Variants in AHSA1 observed in about 807,000 individuals in gnomAD.
AHSA1 encodes activator of 90 kDa heat shock protein ATPase homolog 1.
AHSA1 carries 14 observed loss-of-function variants against 46.1 expected under a neutral mutation model. The observed-to-expected ratio is 0.30, with a 90% confidence interval of 0.20 to 0.47. The LOEUF is 0.47. Ranked by LOEUF, AHSA1 falls within the 20% of genes least tolerant of loss-of-function variation. The pLI, the probability that AHSA1 is intolerant of heterozygous loss-of-function variation, is 0.99. For missense variants in AHSA1, 333 were observed against 415.9 expected (o/e 0.80, Z 1.73); for synonymous variants, 147 against 145.8 (o/e 1.01, Z -0.06).
Position 77,462,198 on chromosome 14 carries a change from G to A in AHSA1, c.310G>A (p.Glu104Lys). 1 of 1,613,796 alleles carries A rather than the reference G, an allele frequency of 6.2e-7. No homozygotes were observed. ...KSGVQYKGHVEIPNLSDENSV... is the reference protein window; with the variant it reads ...KSGVQYKGHVKIPNLSDENSV... Reference sequence around the variant, plus strand: ...AGGAGTACAATACAAAGGACATGTGGAGATCCCCAATTTGTCTGATGAAAA... The same window carrying A: ...AGGAGTACAATACAAAGGACATGTGAAGATCCCCAATTTGTCTGATGAAAA... The change falls in exon 3 of 9, where the codon GAG (glutamate) becomes AAG (lysine). Residue 104 changes from glutamate (E) to lysine (K), a missense_variant. Coordinates refer to ENST00000216479, the MANE Select transcript of AHSA1 (RefSeq NM_012111.3).
intron 4 of AHSA1, chr14:77,462,995 G>T (rs1244968961): frequency 7.2e-6 from 3 of 418,442 alleles, no homozygotes; most frequent in Non-Finnish European, 1.3e-5. Context: ...AATGTACTGT[G>T]ATGGCCTGGC....
At chr14:77,468,051 CT>C (rs34989956) in intron 6 of AHSA1, 31 bp from the exon 7 acceptor site, 29,173 of 679,386 alleles carry the variant, frequency 0.043, 65 homozygotes, top group African/African-American at 0.08. Context: ...TCTTCTGCCT[CT>C]TTTTTTTTTT....
rs372750682 is a variant in AHSA1 at position 77,460,995 on chromosome 14, T to TA, written c.272-1160dup. On this transcript the variant is annotated intron_variant, in intron 2 of 8. Transcript: ENST00000216479. ...TGACACAGTGAAACCCCGTCTCTAC[T>TA]AAAAATACAAAAAATTAGCCCGGCG... Among the ~76,000 whole-genome samples the TA allele has an allele frequency of 6.2e-3, 744 of 120,632 alleles. 9 individuals are homozygous for TA. The highest frequency in any genetic ancestry group is 0.02 in the African/African-American group (710 of 35,460). The allele number at this position is 120,632 out of a possible 152,430, so 79.1% of individuals were successfully genotyped here.
chr14:77,458,104 G>T lies in AHSA1; in HGVS notation c.-86G>T. The T allele has an allele frequency of 7.9e-7, 1 of 1,260,672 alleles. No individual in the cohort carries two copies. The highest frequency in any genetic ancestry group is 1.1e-6 in the Non-Finnish European group (1 of 947,890). The allele number at this position is 1,260,672 out of a possible 1,614,324, so 78.1% of individuals were successfully genotyped here. A position where few individuals can be genotyped will look rare whatever the true frequency, so the allele number is the denominator to read the frequency against. On this transcript the variant is annotated 5_prime_UTR_variant, in exon 1 of 9. The change creates a new upstream start codon in the 5' untranslated region. Coordinates refer to ENST00000216479, the MANE Select transcript of AHSA1 (RefSeq NM_012111.3). ...TTGCGGCCGCTTCTAGTAGTTTCCA[G>T]GCGCTGCCGGGCGGCTGGCACTAAG...
intron 1 of AHSA1, among the ~76,000 whole-genome samples, chr14:77,458,829 C>T (rs2079003384): frequency 1.3e-5 from 2 of 152,180 alleles, no homozygotes; most frequent in African/African-American, 4.8e-5. Context: ...GCCGAGCAGC[C>T]GTGGTTTTAT....
At chr14:77,462,341 C>A in intron 3 of AHSA1, 99 bp downstream of exon 3, 1 of 1,238,442 alleles carries the variant, frequency 8.1e-7, no homozygotes, top group South Asian at 1.3e-5. Context: ...CAGGCTTGGT[C>A]CAAGCATTCA....
At position 77,459,691 on chromosome 14, in the gene AHSA1, A is replaced by G; in HGVS notation, c.156A>G (p.Glu52=). The change falls in exon 2 of 9, where the codon GAA becomes GAG. Residue 52 remains glutamate (E), a synonymous_variant. Transcript: ENST00000216479. Reference sequence around the variant, plus strand: ...TCCTGGCAGTGCAGGTTCAAAATGAAGAAGGCAAGTGTGAGGTGACGGAAG... The same window carrying G: ...TCCTGGCAGTGCAGGTTCAAAATGAGGAAGGCAAGTGTGAGGTGACGGAAG... ...TLFLAVQVQN[E]EGKCEVTEVS... is the part of the protein sequence containing the mutation. The G allele has an allele frequency of 6.2e-7, 1 of 1,614,218 alleles. No homozygotes were observed. Among genetic ancestry groups the G allele is most frequent in the Non-Finnish European group, 8.5e-7 (1 of 1,180,034 alleles).
rs1170141974 is a variant in AHSA1, at chr14:77,464,643, T to C, written c.518T>C (p.Val173Ala). Residue 173 changes from valine to alanine, a missense_variant, in exon 5 of 9, where the codon GTA becomes GCA. Coordinates refer to ENST00000216479, the MANE Select transcript of AHSA1 (RefSeq NM_012111.3). ...MILPTMNGES[V>A]DPVGQPALKT... Reference sequence around the variant, plus strand: ...TTACCTACAATGAATGGAGAGTCAGTAGACCCAGTGGGGCAGCCAGCACTG... The same window carrying C: ...TTACCTACAATGAATGGAGAGTCAGCAGACCCAGTGGGGCAGCCAGCACTG... The C allele has an allele frequency of 6.2e-7, 1 of 1,614,092 alleles. No individual in the cohort carries two copies. Among genetic ancestry groups the C allele is most frequent in the Admixed American group, 1.7e-5 (1 of 60,002 alleles).
At chr14:77,465,492 G>C in intron 5 of AHSA1, 47 bp from the exon 6 acceptor site, 1 of 1,597,836 alleles carries the variant, frequency 6.3e-7, no homozygotes, top group Non-Finnish European at 8.5e-7. Flanking sequence ...GTTGATTGAG[G>C]TTGTATCATT....
At chr14:77,458,333 C>T in intron 1 of AHSA1, 64 bp downstream of exon 1, 2 of 1,505,550 alleles carry the variant, frequency 1.3e-6, no homozygotes, top group South Asian at 1.2e-5. Context: ...TTCAGGGTTC[C>T]TAGAACCTCG....
chr14:77,462,524 G>T, intron 3 of AHSA1, 118 bp from the exon 4 acceptor site: 3 of 946,338 alleles, frequency 3.2e-6, no homozygotes, highest in Non-Finnish European at 5.2e-6. Context: ...TACGAATACC[G>T]CAGTACTCAT....
chr14:77,462,585 TC>T, intron 3 of AHSA1, 56 bp from the exon 4 acceptor site: 1 of 1,511,396 alleles, frequency 6.6e-7, no homozygotes. Context: ...GCCCCCACAT[TC>T]CATAATGAGG....
At chr14:77,465,482 G>T (rs142178502) in intron 5 of AHSA1, 57 bp from the exon 6 acceptor site, 40 of 1,579,878 alleles carry the variant, frequency 2.5e-5, no homozygotes, top group Non-Finnish European at 2.8e-5. Context: ...CTGAAGCCAC[G>T]TTGATTGAGG....
chr14:77,467,622 C>T (rs977221395), intron 6 of AHSA1, among the ~76,000 whole-genome samples: 21 of 151,442 alleles, frequency 1.4e-4, no homozygotes, highest in Admixed American at 3.3e-4. Flanking sequence ...AAAACCTGGA[C>T]GGGCGGAGGT....
intron 5 of AHSA1, 23 bp downstream of exon 5, chr14:77,464,709 G>A (rs2079040517): frequency 6.2e-7 from 1 of 1,602,660 alleles, no homozygotes; most frequent in African/African-American, 1.3e-5. Flanking sequence ...CCTGGGGTGG[G>A]AGACTGTCTG....
intron 3 of AHSA1, 52 bp from the exon 4 acceptor site, chr14:77,462,590 A>G: frequency 6.6e-7 from 1 of 1,514,862 alleles, no homozygotes; most frequent in Non-Finnish European, 9.2e-7. Flanking sequence ...CACATTCCAT[A>G]ATGAGGGTGC....
intron 2 of AHSA1, among the ~76,000 whole-genome samples, chr14:77,460,953 A>T (rs1291039271): frequency 1.3e-5 from 2 of 148,492 alleles, no homozygotes; most frequent in Admixed American, 6.7e-5. Flanking sequence ...AGGTCAGGAG[A>T]TCAAGACCAT....
At chr14:77,461,484 C>G (rs539463644) in intron 2 of AHSA1, among the ~76,000 whole-genome samples, 2 of 152,156 alleles carry the variant, frequency 1.3e-5, no homozygotes, top group South Asian at 4.1e-4. Context: ...GAGCCAAGAT[C>G]ATGCCACTGC....
chr14:77,464,924 C>CT (rs372153849), intron 5 of AHSA1, among the ~76,000 whole-genome samples: 292 of 148,582 alleles, frequency 2.0e-3, no homozygotes, highest in African/African-American at 6.7e-3. Context: ...AGTTAAAAGT[C>CT]TGACTCTTGA....
Sources: allele counts gnomAD v4.1 joint callset (sites outside exome capture counted in the v4.1 genomes callset), GRCh38; gene constraint gnomAD v4.1.1; transcripts MANE v1.5; gene names NCBI Gene and HGNC (gene_info 2026-07-23, HGNC 2026-07-21).